Variants in GALNTL6 observed in about 807,000 individuals in gnomAD.
GALNTL6 encodes the protein polypeptide N-acetylgalactosaminyltransferase-like 6.
GALNTL6 carries 46 observed loss-of-function variants against 73.7 expected under a neutral mutation model. The observed-to-expected ratio is 0.62, with a 90% confidence interval of 0.49 to 0.80. GALNTL6 has a LOEUF of 0.80. Ranked by LOEUF, GALNTL6 falls within the 30% of genes least tolerant of loss-of-function variation. The pLI is 0.00. For missense variants in GALNTL6, 604 were observed against 755.0 expected (o/e 0.80, Z 2.34); for synonymous variants, 259 against 263.7 (o/e 0.98, Z 0.17).
At chr4:172,251,086 A>T (rs2111014570) in intron 3 of GALNTL6, among the ~76,000 whole-genome samples, 1 of 152,232 alleles carries the variant, frequency 6.6e-6, no homozygotes, top group Admixed American at 6.5e-5. Flanking sequence ...ATATGGAGAG[A>T]TTTATTGTAA....
chr4:172,556,448 TAAAC>T (rs111984898), intron 5 of GALNTL6, among the ~76,000 whole-genome samples: 6,439 of 152,086 alleles, frequency 0.042, 426 homozygotes, highest in African/African-American at 0.14. Flanking sequence ...AGCAAATAAA[TAAAC>T]AAACAAGACA....
intron 2 of GALNTL6, among the ~76,000 whole-genome samples, chr4:171,924,920 G>C (rs1191049832): frequency 2.0e-5 from 3 of 152,136 alleles, no homozygotes; most frequent in Non-Finnish European, 4.4e-5. Flanking sequence ...GAAATAATGA[G>C]CTCCACCTGT....
chr4:172,932,756 A>C (rs1748417090), intron 9 of GALNTL6, among the ~76,000 whole-genome samples: 1 of 152,196 alleles, frequency 6.6e-6, no homozygotes, highest in South Asian at 2.1e-4. Flanking sequence ...CAATATTTTT[A>C]ATAATTTTGT....
chr4:172,932,245 G>T (rs978560657), intron 9 of GALNTL6, among the ~76,000 whole-genome samples: 4 of 152,106 alleles, frequency 2.6e-5, no homozygotes, highest in Admixed American at 1.3e-4. Flanking sequence ...GTTAGTTACC[G>T]CTGTACTCTC....
chr4:172,124,784 A>G (rs1285048181), intron 2 of GALNTL6, among the ~76,000 whole-genome samples: 1 of 152,174 alleles, frequency 6.6e-6, no homozygotes, highest in Non-Finnish European at 1.5e-5. Flanking sequence ...GACAGTGTAC[A>G]AGGTTATGAT....
intron 2 of GALNTL6, among the ~76,000 whole-genome samples, chr4:171,820,424 TATTA>T: frequency 1.3e-5 from 2 of 152,266 alleles, no homozygotes; most frequent in Non-Finnish European, 1.5e-5. Flanking sequence ...GTATTCATTT[TATTA>T]ATTCATTTAG....
chr4:171,879,655 A>C (rs1736382722), intron 2 of GALNTL6, among the ~76,000 whole-genome samples: 1 of 152,232 alleles, frequency 6.6e-6, no homozygotes, highest in Admixed American at 6.5e-5. Flanking sequence ...CTTGTTTAAA[A>C]AAATGTGCTT....
At chr4:172,874,616 G>A (rs983316668) in intron 7 of GALNTL6, among the ~76,000 whole-genome samples, 1 of 152,122 alleles carries the variant, frequency 6.6e-6, no homozygotes, top group Non-Finnish European at 1.5e-5. Flanking sequence ...TGACACCCTG[G>A]GGCATCCATT....
intron 5 of GALNTL6, among the ~76,000 whole-genome samples, chr4:172,583,367 A>G (rs1485887509): frequency 6.6e-6 from 1 of 152,196 alleles, no homozygotes; most frequent in East Asian, 1.9e-4. Context: ...TTTTTTAATA[A>G]ACATTGAGCA....
intron 2 of GALNTL6, among the ~76,000 whole-genome samples, chr4:172,037,357 G>A (rs1020953983): frequency 6.6e-6 from 1 of 152,068 alleles, no homozygotes; most frequent in South Asian, 2.1e-4. Flanking sequence ...CATTTTCCTA[G>A]TCAGCTCTTC....
chr4:172,315,741 G>A (rs539124503), intron 4 of GALNTL6, among the ~76,000 whole-genome samples: 1 of 151,434 alleles, frequency 6.6e-6, no homozygotes, highest in African/African-American at 2.4e-5. Context: ...GAGCACTTCT[G>A]TATGACAAAT....
At chr4:172,929,718 A>G (rs1016076483) in intron 8 of GALNTL6, among the ~76,000 whole-genome samples, 2 of 152,208 alleles carry the variant, frequency 1.3e-5, no homozygotes, top group Non-Finnish European at 2.9e-5. Flanking sequence ...AAGATCCAGA[A>G]TAGTGTTTGA....
At chr4:172,700,679 A>G (rs559716055) in intron 5 of GALNTL6, among the ~76,000 whole-genome samples, 2 of 152,298 alleles carry the variant, frequency 1.3e-5, no homozygotes, top group South Asian at 2.1e-4. Context: ...TTCATCACTT[A>G]TTACTTTGCT....
At chr4:172,713,222 A>ATGTGTG (rs61504713) in intron 5 of GALNTL6, among the ~76,000 whole-genome samples, 17,900 of 138,806 alleles carry the variant, frequency 0.13, 1,101 homozygotes, top group East Asian at 0.16. Context: ...AAAGAATAAG[A>ATGTGTG]TGTGTGTGTG....
At position 172,478,607 on chromosome 4, in the gene GALNTL6, GTT is replaced by G. The variant is rs1406237195; in HGVS notation, c.553+129920_553+129921del. Among the ~76,000 whole-genome samples the G allele has an allele frequency of 2.0e-5, 3 of 152,176 alleles. No homozygotes were observed. The South Asian group carries it at 6.2e-4, about 32-fold the overall frequency. On this transcript the variant is annotated intron_variant, in intron 5 of 12. Transcript: ENST00000506823. ...TTCTGGACATAGGCCTAGGCAAAGAGTTTATGACTGAGACCTTGAAAGAAAAT... is the reference window on the plus strand; with the variant it reads ...TTCTGGACATAGGCCTAGGCAAAGAGTATGACTGAGACCTTGAAAGAAAAT...
At chr4:172,024,433 C>T (rs1741494707) in intron 2 of GALNTL6, among the ~76,000 whole-genome samples, 3 of 151,752 alleles carry the variant, frequency 2.0e-5, no homozygotes, top group African/African-American at 7.2e-5. Flanking sequence ...AAGTGATTCT[C>T]TATATAATAC....
chr4:172,835,373 G>A (rs1308848596), intron 7 of GALNTL6, among the ~76,000 whole-genome samples: 1 of 152,252 alleles, frequency 6.6e-6, no homozygotes, highest in Non-Finnish European at 1.5e-5. Flanking sequence ...GGAAGATGAA[G>A]CTATTCCAGG....
At chr4:171,896,548 A>T (rs1231611698) in intron 2 of GALNTL6, among the ~76,000 whole-genome samples, 1 of 152,224 alleles carries the variant, frequency 6.6e-6, no homozygotes, top group African/African-American at 2.4e-5. Context: ...ACATGTTGGC[A>T]GATTTGTTGT....
chr4:172,917,168 A>G lies in GALNTL6; in HGVS notation c.1042-13993A>G, dbSNP rs560936476. Among the ~76,000 whole-genome samples, 60 of 152,360 alleles carry G rather than the reference A, an allele frequency of 3.9e-4. 2 individuals carry two copies. In the South Asian group the frequency reaches 0.012, roughly 31 times the overall value. Reference sequence around the variant, plus strand: ...GGGGAAAGGATTCCCTATTTAATAAATGGTGCTGGGAAAACTGGCTAGCCA... The same window carrying G: ...GGGGAAAGGATTCCCTATTTAATAAGTGGTGCTGGGAAAACTGGCTAGCCA... On this transcript the variant is annotated intron_variant, in intron 8 of 12. Transcript: ENST00000506823.
Sources: gnomAD v4.1 joint callset for allele counts (sites outside exome capture counted in the v4.1 genomes callset) on GRCh38, gnomAD v4.1.1 for gene constraint, MANE v1.5 for transcripts, NCBI Gene and HGNC (gene_info 2026-07-23, HGNC 2026-07-21) for gene names.